CA10: variants seen among roughly 807,000 people sequenced by gnomAD.
CA10 encodes the protein carbonic anhydrase 10 (inactive).
Under a neutral mutation model 44.2 loss-of-function variants are expected in CA10, and 14 were observed. The observed-to-expected ratio is 0.32, with a 90% CI of 0.21 to 0.50. CA10 has a LOEUF of 0.50. Among genes scored for constraint, CA10 ranks in the 20% least tolerant of loss-of-function variants. The pLI is 0.99. For missense variants in CA10, 350 were observed against 409.7 expected (o/e 0.85, Z 1.26); for synonymous variants, 159 against 141.6 (o/e 1.12, Z -0.87).
At chr17:51,936,787 A>C (rs538065991) in intron 2 of CA10, among the ~76,000 whole-genome samples, 1 of 152,296 alleles carries the variant, frequency 6.6e-6, no homozygotes, top group East Asian at 1.9e-4. Context: ...CACAGCCAAG[A>C]GCAAGCTCGA....
At chr17:51,929,841 T>G (rs1982580743) in intron 3 of CA10, among the ~76,000 whole-genome samples, 2 of 152,140 alleles carry the variant, frequency 1.3e-5, no homozygotes, top group Non-Finnish European at 1.5e-5. Flanking sequence ...CTAAATGACC[T>G]ATATATGACC....
chr17:52,146,268 AGATGT>A (rs1989580839), intron 1 of CA10, among the ~76,000 whole-genome samples: 1 of 152,176 alleles, frequency 6.6e-6, no homozygotes, highest in African/African-American at 2.4e-5. Flanking sequence ...AAAAAAAATA[AGATGT>A]GGCTGGCTGG....
chr17:52,014,113 G>A (rs1021052253), intron 2 of CA10, among the ~76,000 whole-genome samples: 4 of 150,926 alleles, frequency 2.7e-5, no homozygotes, highest in Admixed American at 2.0e-4. Context: ...AATAATATCA[G>A]GTACCATTTA....
rs377743229 is a variant in CA10, at chr17:51,702,113, C to T, written c.465+45520G>A. On this transcript the variant is annotated intron_variant, in intron 4 of 8. Transcript: ENST00000451037. ...TTGAGTCAGAAGGGATCCTAAAAAT[C>T]ATTCATTTGTTCACTTTACAATATA... Among the ~76,000 whole-genome samples, 69 of 146,436 alleles carry T rather than the reference C, an allele frequency of 4.7e-4. No homozygotes were observed. The East Asian group carries it at 0.012, about 26-fold the overall frequency.
intron 3 of CA10, among the ~76,000 whole-genome samples, chr17:51,780,032 A>G (rs948678380): frequency 6.6e-5 from 10 of 152,066 alleles, no homozygotes; most frequent in Non-Finnish European, 1.5e-4. Context: ...AGGAAGGAAC[A>G]TCACGATTTG....
chr17:51,633,736 C>T, intron 7 of CA10, 86 bp from the exon 8 acceptor site: 2 of 1,451,526 alleles, frequency 1.4e-6, no homozygotes, highest in Non-Finnish European at 9.4e-7. Flanking sequence ...TCTGGCCAAG[C>T]TAGGTGGTAT....
intron 1 of CA10, among the ~76,000 whole-genome samples, chr17:52,117,245 C>A (rs1988917489): frequency 6.6e-6 from 1 of 152,172 alleles, no homozygotes; most frequent in Non-Finnish European, 1.5e-5. Flanking sequence ...GCCTGGGACT[C>A]CTTGGGAAAG....
intron 2 of CA10, among the ~76,000 whole-genome samples, chr17:51,965,188 C>T (rs203028): frequency 0.99 from 151,151 of 152,024 alleles, 75,144 homozygotes; most frequent in East Asian, 1. Context: ...CCTCCCATGA[C>T]TGAATCAGGA....
chr17:51,780,081 G>A (rs893049827), intron 3 of CA10, among the ~76,000 whole-genome samples: 4 of 152,300 alleles, frequency 2.6e-5, no homozygotes, highest in East Asian at 1.9e-4. Flanking sequence ...ACTTTAAATA[G>A]ATTCTAGAGT....
intron 2 of CA10, among the ~76,000 whole-genome samples, chr17:52,016,964 C>T (rs551358783): frequency 4.6e-5 from 7 of 152,182 alleles, no homozygotes; most frequent in African/African-American, 1.7e-4. Flanking sequence ...CTTCCTTGCT[C>T]TCTTGCTCCC....
intron 3 of CA10, among the ~76,000 whole-genome samples, chr17:51,788,219 A>G (rs572204763): frequency 1.5e-4 from 23 of 152,280 alleles, no homozygotes; most frequent in Non-Finnish European, 2.4e-4. Context: ...GGTCATTCAG[A>G]AGCAGATTGT....
intron 2 of CA10, among the ~76,000 whole-genome samples, chr17:51,943,543 G>A (rs192555269): frequency 5.3e-5 from 8 of 152,190 alleles, no homozygotes; most frequent in African/African-American, 7.2e-5. Flanking sequence ...CCAGCCTTTC[G>A]GGGCTCCTGG....
At chr17:51,743,396 C>T (rs2143593759) in intron 4 of CA10, among the ~76,000 whole-genome samples, 1 of 151,520 alleles carries the variant, frequency 6.6e-6, no homozygotes, top group Admixed American at 6.6e-5. Flanking sequence ...AAGGGTCTTA[C>T]TTATTAAAAA....
At chr17:51,973,266 G>A (rs536131889) in intron 2 of CA10, among the ~76,000 whole-genome samples, 27 of 152,300 alleles carry the variant, frequency 1.8e-4, no homozygotes, top group Admixed American at 1.2e-3. Flanking sequence ...GGCACATTTC[G>A]AGTCTTGACA....
At chr17:51,911,103 G>A (rs149472276) in intron 3 of CA10, among the ~76,000 whole-genome samples, 3 of 152,274 alleles carry the variant, frequency 2.0e-5, no homozygotes, top group East Asian at 3.9e-4. Flanking sequence ...ACATTACGTG[G>A]TTCCACTTGC....
At chr17:52,065,916 C>T (rs1475418791) in intron 2 of CA10, among the ~76,000 whole-genome samples, 1 of 152,134 alleles carries the variant, frequency 6.6e-6, no homozygotes, top group Non-Finnish European at 1.5e-5. Context: ...CAGTTACTCC[C>T]ATGCAGTTCT....
intron 3 of CA10, among the ~76,000 whole-genome samples, chr17:51,792,719 G>A (rs1049448069): frequency 1.3e-5 from 2 of 152,222 alleles, no homozygotes; most frequent in African/African-American, 4.8e-5. Flanking sequence ...GCATTATACA[G>A]TGAGGAGTCA....
intron 3 of CA10, among the ~76,000 whole-genome samples, chr17:51,815,790 T>TGA (rs1366735371): frequency 6.6e-6 from 1 of 151,972 alleles, no homozygotes; most frequent in Non-Finnish European, 1.5e-5. Flanking sequence ...ACAGTGTGTG[T>TGA]GTGTGTGTGT....
At chr17:51,642,902 C>G (rs1163616182) in intron 6 of CA10, among the ~76,000 whole-genome samples, 1 of 152,166 alleles carries the variant, frequency 6.6e-6, no homozygotes, top group African/African-American at 2.4e-5. Flanking sequence ...CTCAGCCTCC[C>G]AAAGTGCTGG....
Sources: allele counts gnomAD v4.1 joint callset (sites outside exome capture counted in the v4.1 genomes callset), GRCh38; gene constraint gnomAD v4.1.1; transcripts MANE v1.5; gene names NCBI Gene and HGNC (gene_info 2026-07-23, HGNC 2026-07-21).